The following PDE4B variants were observed in gnomAD, a reference collection of about 807,000 sequenced individuals.
PDE4B encodes the protein phosphodiesterase 4B.
Under a neutral mutation model 82.2 loss-of-function variants are expected in PDE4B, and 20 were observed. The observed-to-expected ratio is 0.24, with a 90% CI of 0.17 to 0.35. The LOEUF (loss-of-function observed/expected upper bound fraction) is 0.35, where lower values mean the gene tolerates loss of function less well. PDE4B is among the 10% of genes least tolerant of loss of function. PDE4B has a pLI of 1.00. For missense variants in PDE4B, 655 were observed against 907.2 expected, an observed-to-expected ratio of 0.72 and a Z score of 3.57; for synonymous variants, 320 against 318.9, an observed-to-expected ratio of 1.00 and a Z score of -0.04.
rs552009958 is a variant in PDE4B at position 65,891,650 on chromosome 1, G to A, written c.-70-21595G>A. ...ATTCAATTCAATGTAATGAATGTTA[G>A]TTATTTCATTTGTTTGATATTTCAG... On this transcript the variant is annotated intron_variant, in intron 1 of 16. Transcript: ENST00000341517. Among the ~76,000 whole-genome samples, 3 of 152,028 alleles carry A rather than the reference G, an allele frequency of 2.0e-5. No individual in the cohort carries two copies. The East Asian group carries it at 5.8e-4, about 29-fold the overall frequency.
At chr1:66,288,492 G>C (rs548334623) in intron 7 of PDE4B, among the ~76,000 whole-genome samples, 1 of 152,226 alleles carries the variant, frequency 6.6e-6, no homozygotes, top group Non-Finnish European at 1.5e-5. Flanking sequence ...CTGGTACATA[G>C]TGTGTTCTAT....
At chr1:66,226,670 T>C (rs1318977468) in intron 3 of PDE4B, among the ~76,000 whole-genome samples, 1 of 152,258 alleles carries the variant, frequency 6.6e-6, no homozygotes, top group Admixed American at 6.5e-5. Context: ...AGGAAAATTG[T>C]ATAAAATGAG....
chr1:66,081,095 G>A (rs1021026672), intron 3 of PDE4B, among the ~76,000 whole-genome samples: 1 of 151,978 alleles, frequency 6.6e-6, no homozygotes, highest in African/African-American at 2.4e-5. Context: ...ACTTACTCAC[G>A]GCTACTGCAT....
At chr1:66,355,813 G>T (rs534923018) in intron 9 of PDE4B, among the ~76,000 whole-genome samples, 193 bp downstream of exon 9, 1 of 152,070 alleles carries the variant, frequency 6.6e-6, no homozygotes, top group African/African-American at 2.4e-5. Context: ...TGAAAAAAAA[G>T]AATTAAAATA....
chr1:65,926,987 T>C (rs1387266755), intron 3 of PDE4B, among the ~76,000 whole-genome samples: 1 of 152,086 alleles, frequency 6.6e-6, no homozygotes, highest in East Asian at 1.9e-4. Flanking sequence ...ATAAAAACTT[T>C]CACCAGGCTA....
intron 10 of PDE4B, among the ~76,000 whole-genome samples, chr1:66,362,900 G>A (rs1662902099): frequency 6.6e-6 from 1 of 152,178 alleles, no homozygotes; most frequent in East Asian, 1.9e-4. Context: ...GTTGAAGACT[G>A]ATGCATGTCC....
chr1:66,107,179 C>T (rs1217753464), intron 3 of PDE4B, among the ~76,000 whole-genome samples: 1 of 151,686 alleles, frequency 6.6e-6, no homozygotes, highest in Non-Finnish European at 1.5e-5. Context: ...GTATTTCTGC[C>T]TTCATTTTGT....
intron 3 of PDE4B, among the ~76,000 whole-genome samples, chr1:66,059,450 A>T (rs530955786): frequency 4.9e-4 from 74 of 152,290 alleles, no homozygotes; most frequent in South Asian, 1.0e-3. Context: ...CATGCTGCTG[A>T]TAAAGACATA....
chr1:66,154,480 A>G (rs183825985), intron 3 of PDE4B, among the ~76,000 whole-genome samples: 2 of 152,350 alleles, frequency 1.3e-5, no homozygotes, highest in South Asian at 4.1e-4. Context: ...GACTCTCGGG[A>G]AATCACTTCT....
At chr1:66,022,673 G>A (rs1286534709) in intron 3 of PDE4B, among the ~76,000 whole-genome samples, 1 of 152,198 alleles carries the variant, frequency 6.6e-6, no homozygotes, top group African/African-American at 2.4e-5. Flanking sequence ...GATTTTGGTG[G>A]ATAAGCTTTT....
intron 1 of PDE4B, among the ~76,000 whole-genome samples, chr1:65,907,243 G>C (rs770381145): frequency 3.9e-5 from 6 of 152,142 alleles, no homozygotes; most frequent in African/African-American, 7.2e-5. Flanking sequence ...ATTTCTGAAA[G>C]TGTGAAGAGA....
intron 7 of PDE4B, among the ~76,000 whole-genome samples, chr1:66,288,764 A>C (rs778262415): frequency 6.6e-6 from 1 of 152,150 alleles, no homozygotes; most frequent in African/African-American, 2.4e-5. Flanking sequence ...AATGGCAGTG[A>C]TAAGGAGTTC....
intron 1 of PDE4B, among the ~76,000 whole-genome samples, chr1:65,816,151 A>G (rs1349028373): frequency 1.3e-5 from 2 of 148,532 alleles, no homozygotes; most frequent in Non-Finnish European, 3.0e-5. Context: ...TTTTAAAATC[A>G]GTGTGATTCC....
intron 3 of PDE4B, among the ~76,000 whole-genome samples, chr1:66,198,446 T>C (rs1648528443): frequency 1.3e-5 from 2 of 152,266 alleles, no homozygotes; most frequent in Middle Eastern, 3.4e-3. Context: ...TCATAAAGCA[T>C]AGTCAAGCTA....
chr1:65,935,779 TAAAAGTAC>T (rs1648093528), intron 3 of PDE4B, among the ~76,000 whole-genome samples: 1 of 151,998 alleles, frequency 6.6e-6, no homozygotes, highest in Non-Finnish European at 1.5e-5. Context: ...CCATCTCTAA[TAAAAGTAC>T]AAAATTAGCC....
At chr1:66,041,277 C>A (rs529526052) in intron 3 of PDE4B, among the ~76,000 whole-genome samples, 1 of 151,952 alleles carries the variant, frequency 6.6e-6, no homozygotes, top group Non-Finnish European at 1.5e-5. Flanking sequence ...TGATTTTTTA[C>A]CATCCAGTAC....
At chr1:65,888,699 T>A (rs1413184992) in intron 1 of PDE4B, among the ~76,000 whole-genome samples, 1 of 152,116 alleles carries the variant, frequency 6.6e-6, no homozygotes, top group African/African-American at 2.4e-5. Flanking sequence ...TTTAATTTTA[T>A]TTTTTAGCTG....
At chr1:66,016,427 G>T (rs1418271097) in intron 3 of PDE4B, among the ~76,000 whole-genome samples, 3 of 152,102 alleles carry the variant, frequency 2.0e-5, no homozygotes, top group Admixed American at 6.6e-5. Flanking sequence ...CTTTCTTGCT[G>T]CCTGGATTAT....
At chr1:66,365,932 G>T (rs1047147182) in intron 13 of PDE4B, among the ~76,000 whole-genome samples, 166 bp downstream of exon 13, 13 of 152,108 alleles carry the variant, frequency 8.5e-5, no homozygotes, top group Non-Finnish European at 1.9e-4. Flanking sequence ...GTCCAATCTG[G>T]CAACACAATG....
Sources: gnomAD v4.1 joint callset for allele counts (sites outside exome capture counted in the v4.1 genomes callset) on GRCh38, gnomAD v4.1.1 for gene constraint, MANE v1.5 for transcripts, NCBI Gene and HGNC (gene_info 2026-07-23, HGNC 2026-07-21) for gene names.